The following GAB2 variants were observed in gnomAD, a reference collection of about 807,000 sequenced individuals.
The protein encoded by GAB2 is GRB2-associated-binding protein 2.
In GAB2, 26 loss-of-function variants were observed where a neutral mutation model predicts 65.5. That is an observed-to-expected ratio of 0.40 (90% CI 0.29 to 0.55). The LOEUF is 0.55. GAB2 is among the 20% of genes least tolerant of loss of function. The pLI is 0.53. For synonymous variants in GAB2, 321 were observed against 329.6 expected (o/e 0.97, Z 0.28); for missense variants, 884 against 875.8 (o/e 1.01, Z -0.12).
At chr11:78,412,445 C>T (rs1311218415) in intron 1 of GAB2, among the ~76,000 whole-genome samples, 2 of 152,068 alleles carry the variant, frequency 1.3e-5, no homozygotes, top group African/African-American at 4.8e-5. Context: ...ATTTAAATAA[C>T]ACACATGAAA....
chr11:78,370,921 G>T (rs945086498), intron 1 of GAB2, among the ~76,000 whole-genome samples: 1 of 152,146 alleles, frequency 6.6e-6, no homozygotes, highest in East Asian at 1.9e-4. Context: ...CACACCCCAC[G>T]TTTGAACTTG....
At chr11:78,321,405 T>G (rs1163499932) in intron 1 of GAB2, among the ~76,000 whole-genome samples, 1 of 152,224 alleles carries the variant, frequency 6.6e-6, no homozygotes, top group Non-Finnish European at 1.5e-5. Flanking sequence ...TGTTATACTT[T>G]TTGGCTGAAT....
chr11:78,215,432 G>A lies in GAB2; in HGVS notation c.*3840C>T, dbSNP rs3758662. ...TGAACACACTCCTGTCCCACCCACC[G>A]GATAAATATGTTACAATTTAAAAAA... On this transcript the variant is annotated 3_prime_UTR_variant, in exon 10 of 10. Transcript: ENST00000361507. The A allele has an allele frequency of 0.011, 1,702 of 152,374 alleles. 16 individuals carry two copies. Among genetic ancestry groups the A allele is most frequent in the African/African-American group, 0.035 (1,434 of 41,376 alleles). 9.4% of individuals were successfully genotyped at this position (152,374 alleles called of 1,614,324 possible).
chr11:78,406,669 A>T (rs1857049385), intron 1 of GAB2, among the ~76,000 whole-genome samples: 1 of 150,818 alleles, frequency 6.6e-6, no homozygotes, highest in South Asian at 2.2e-4. Context: ...TGAGCCAAAA[A>T]TGTCCAGGTT....
chr11:78,283,950 C>T (rs1242308287), intron 1 of GAB2, among the ~76,000 whole-genome samples: 3 of 151,940 alleles, frequency 2.0e-5, no homozygotes, highest in African/African-American at 4.8e-5. Flanking sequence ...AAAAAACCAT[C>T]GAATTGCTGT....
chr11:78,363,862 G>C (rs2134720027), intron 1 of GAB2, among the ~76,000 whole-genome samples: 1 of 152,058 alleles, frequency 6.6e-6, no homozygotes, highest in East Asian at 1.9e-4. Flanking sequence ...GGAAATGTAG[G>C]CATGAGCCAC....
At chr11:78,399,043 T>C (rs574671150) in intron 1 of GAB2, among the ~76,000 whole-genome samples, 3 of 152,354 alleles carry the variant, frequency 2.0e-5, no homozygotes, top group South Asian at 2.1e-4. Context: ...AATACCCTAA[T>C]TGATCACTTT....
intron 1 of GAB2, among the ~76,000 whole-genome samples, chr11:78,286,699 A>C (rs1047183141): frequency 6.6e-6 from 1 of 152,212 alleles, no homozygotes; most frequent in African/African-American, 2.4e-5. Flanking sequence ...AAAAAAGAAT[A>C]AGATAAAGAT....
Position 78,407,699 on chromosome 11 carries a change from A to AAGAAAGAG in GAB2, c.75+9946_75+9947insCTCTTTCT, listed in dbSNP as rs1565188301. 5.8e-5 allele frequency among the ~76,000 whole-genome samples: 7 copies of AAGAAAGAG among 120,460 alleles called. No homozygotes were observed. In the South Asian group the frequency reaches 2.2e-3, roughly 38 times the overall value. The allele number at this position is 120,460 out of a possible 152,430, so 79.0% of individuals were successfully genotyped here. A position where few individuals can be genotyped will look rare whatever the true frequency, so the allele number is the denominator to read the frequency against. On this transcript the variant is annotated intron_variant, in intron 1 of 9. Transcript: ENST00000361507. ...AAAGAAAGAAAGAAAGAAAGAAAGA[A>AAGAAAGAG]AGAGATGGCATTTTCCGTCCCAAAA...
chr11:78,244,512 A>G (rs2134511391), intron 3 of GAB2, among the ~76,000 whole-genome samples: 1 of 152,258 alleles, frequency 6.6e-6, no homozygotes. Context: ...GCCATTCTGC[A>G]AGCTATTCAT....
At chr11:78,372,801 T>A (rs1338358808) in intron 1 of GAB2, among the ~76,000 whole-genome samples, 4 of 152,124 alleles carry the variant, frequency 2.6e-5, no homozygotes, top group Non-Finnish European at 5.9e-5. Context: ...TGCTCAAGGG[T>A]CTCTCATTCA....
intron 1 of GAB2, among the ~76,000 whole-genome samples, chr11:78,287,160 T>A (rs1198532861): frequency 6.6e-6 from 1 of 152,212 alleles, no homozygotes; most frequent in Non-Finnish European, 1.5e-5. Flanking sequence ...CAAAAAATAT[T>A]TGATAAAATT....
At chr11:78,351,645 A>G (rs188053858) in intron 1 of GAB2, among the ~76,000 whole-genome samples, 142 of 152,184 alleles carry the variant, frequency 9.3e-4, no homozygotes, top group Admixed American at 8.8e-3. Context: ...CACATTGTAC[A>G]TTTTTAGACA....
intron 1 of GAB2, among the ~76,000 whole-genome samples, chr11:78,348,501 G>A (rs1856225868): frequency 6.6e-6 from 1 of 152,148 alleles, no homozygotes; most frequent in South Asian, 2.1e-4. Flanking sequence ...AACATCACTA[G>A]ACATCAGGGA....
Position 78,218,806 on chromosome 11 carries a change from T to A in GAB2, c.*466A>T, listed in dbSNP as rs901555515. The A allele has an allele frequency of 7.7e-5, 12 of 156,634 alleles. No homozygotes were observed. The East Asian group carries it at 1.9e-3, about 25-fold the overall frequency. 9.7% of individuals were successfully genotyped at this position (156,634 alleles called of 1,614,324 possible). A position where few individuals can be genotyped will look rare whatever the true frequency, so the allele number is the denominator to read the frequency against. On this transcript the variant is annotated 3_prime_UTR_variant, in exon 10 of 10. Coordinates refer to ENST00000361507, the MANE Select transcript of GAB2 (RefSeq NM_080491.3). ...AAGTCCATTATCCACTTTGGTTTGC[T>A]GGTCCTTGACTCCCTGGGTTGGTGA...
intron 1 of GAB2, among the ~76,000 whole-genome samples, chr11:78,361,864 T>G (rs1366451007): frequency 1.3e-5 from 2 of 151,074 alleles, no homozygotes; most frequent in African/African-American, 4.8e-5. Context: ...GCCAGAAACT[T>G]ATCCTAGAGA....
chr11:78,227,463 T>C (rs1864706921), intron 3 of GAB2, among the ~76,000 whole-genome samples: 1 of 152,084 alleles, frequency 6.6e-6, no homozygotes, highest in Non-Finnish European at 1.5e-5. Flanking sequence ...ACTGTGAAAC[T>C]AGCCCATGGG....
At chr11:78,300,698 T>TTTTTTTTTTG (rs1866989251) in intron 1 of GAB2, among the ~76,000 whole-genome samples, 1 of 141,334 alleles carries the variant, frequency 7.1e-6, no homozygotes, top group African/African-American at 2.7e-5. Flanking sequence ...TTTTTTTGTT[T>TTTTTTTTTTG]TTTTTTTTTT....
intron 3 of GAB2, among the ~76,000 whole-genome samples, chr11:78,233,550 C>T (rs1864904428): frequency 6.6e-6 from 1 of 152,126 alleles, no homozygotes; most frequent in Non-Finnish European, 1.5e-5. Flanking sequence ...TTTATATGGA[C>T]CACAAACAAA....
Sources: allele counts gnomAD v4.1 joint callset (sites outside exome capture counted in the v4.1 genomes callset), GRCh38; gene constraint gnomAD v4.1.1; transcripts MANE v1.5; gene names NCBI Gene and HGNC (gene_info 2026-07-23, HGNC 2026-07-21).